KIF2C: variants seen among roughly 807,000 people sequenced by gnomAD.
The protein encoded by KIF2C is kinesin-like protein KIF2C.
KIF2C carries 34 observed loss-of-function variants against 97.4 expected under a neutral mutation model. The observed-to-expected ratio is 0.35, with a 90% CI of 0.27 to 0.46. The LOEUF (loss-of-function observed/expected upper bound fraction) is 0.46, where lower values mean the gene tolerates loss of function less well. Ranked by LOEUF, KIF2C falls within the 20% of genes least tolerant of loss-of-function variation. The probability of loss-of-function intolerance (pLI) is 1.00; values close to 1 mark genes in which losing one functional copy is unlikely to be tolerated. For missense variants in KIF2C, 750 were observed against 907.6 expected (o/e 0.83, Z 2.23); for synonymous variants, 313 against 318.2 (o/e 0.98, Z 0.17).
chr1:44,748,745 C>T (rs1055391601), intron 4 of KIF2C, among the ~76,000 whole-genome samples: 1 of 142,930 alleles, frequency 7.0e-6, no homozygotes, highest in African/African-American at 2.7e-5. Context: ...CAAGGTCTCA[C>T]TATGTTGCCT....
chr1:44,754,886 T>A (rs377108090), intron 8 of KIF2C, 41 bp downstream of exon 8: 1 of 1,238,096 alleles, frequency 8.1e-7, no homozygotes, highest in Non-Finnish European at 1.2e-6. Context: ...AAGTGTACAA[T>A]TGAGAGACAG....
chr1:44,754,672 T>C, intron 7 of KIF2C, 78 bp from the exon 8 acceptor site: 1 of 851,410 alleles, frequency 1.2e-6, no homozygotes, highest in Non-Finnish European at 2.1e-6. Flanking sequence ...AGCAAAGAGC[T>C]GTTGCTGCTG....
intron 2 of KIF2C, among the ~76,000 whole-genome samples, chr1:44,741,569 C>T (rs1648936985): frequency 6.6e-6 from 1 of 151,980 alleles, no homozygotes. Context: ...CCTGTGGTTC[C>T]AGCTACTCGG....
chr1:44,754,929 G>A (rs541143779), intron 8 of KIF2C, 84 bp downstream of exon 8: 2 of 821,852 alleles, frequency 2.4e-6, no homozygotes, highest in South Asian at 2.9e-5. Flanking sequence ...AGGGCATGCA[G>A]GAATCTTTAC....
intron 10 of KIF2C, among the ~76,000 whole-genome samples, chr1:44,757,003 C>T (rs971834810): frequency 2.1e-4 from 32 of 152,154 alleles, no homozygotes; most frequent in African/African-American, 6.5e-4. Flanking sequence ...CTGCAACCCC[C>T]GCCTCCCAGG....
rs1319509374 is a variant in KIF2C, at chr1:44,762,365, C to G, written c.1771C>G (p.His591Asp). Residue 591 changes from histidine to aspartate, a missense_variant, in exon 18 of 21, where the codon CAC becomes GAC. Coordinates refer to ENST00000372224, the MANE Select transcript of KIF2C (RefSeq NM_006845.4). ...CCTCAGGGTCAAGGAGCTGAGCCCC[C>G]ACAGTGGGCCCAGTGGAGAGCAGTT... ...YADRVKELSPHSGPSGEQLIQ... is the reference protein window; with the variant it reads ...YADRVKELSPDSGPSGEQLIQ... The G allele has an allele frequency of 2.5e-6, 4 of 1,614,052 alleles. No individual in the cohort carries two copies. The highest frequency in any genetic ancestry group is 2.2e-5 in the East Asian group (1 of 44,880).
rs1211445914 is a variant in KIF2C, at chr1:44,759,238, G to A, written c.1257G>A (p.Leu419=). The A allele has an allele frequency of 1.9e-6, 3 of 1,614,068 alleles. No homozygotes were observed. In the South Asian group the frequency reaches 3.3e-5, roughly 18 times the overall value. Residue 419 remains leucine, a synonymous_variant, in exon 14 of 21, where the codon CTG becomes CTA. Transcript: ENST00000372224. ...ACCTGCTCAACAAGAAGGCCAAGCT[G>A]CGCGTGCTGGAGGACGGCAAGCAAC... ...LFDLLNKKAK[L]RVLEDGKQQV...
chr1:44,760,284 T>A lies in KIF2C; in HGVS notation c.1372T>A (p.Ser458Thr), dbSNP rs201075516. The change falls in exon 15 of 21, where the codon TCT becomes ACT. Residue 458 changes from serine to threonine, a missense_variant. Physicochemically the swap from Ser to Thr is moderately conservative, Grantham distance 58. Transcript: ENST00000372224. This position sits in a 1 kb window ranked among gnomAD's most constrained non-coding sequence, Gnocchi z 4.2. Reference sequence around the variant, plus strand: ...CATAACCTTTCTTTACCACAGAACCTCTGGGCAGACATTTGCCAACTCCAA... The same window carrying A: ...CATAACCTTTCTTTACCACAGAACCACTGGGCAGACATTTGCCAACTCCAA... ...MIDMGSACRT[S>T]GQTFANSNSS... 7 of 1,613,928 alleles carry A rather than the reference T, an allele frequency of 4.3e-6. No homozygotes were observed. The highest frequency in any genetic ancestry group is 5.9e-6 in the Non-Finnish European group (7 of 1,179,998).
At chr1:44,753,548 G>A (rs905479575) in intron 6 of KIF2C, among the ~76,000 whole-genome samples, 185 bp from the exon 7 acceptor site, 2 of 152,170 alleles carry the variant, frequency 1.3e-5, no homozygotes, top group Admixed American at 6.6e-5. Flanking sequence ...TTGTGGACTT[G>A]TCCATCCCGA....
chr1:44,755,918 T>A lies in KIF2C; in HGVS notation c.760-11T>A. 1 of 1,613,468 alleles carries A rather than the reference T, an allele frequency of 6.2e-7. No homozygotes were observed. The highest frequency in any genetic ancestry group is 1.1e-5 in the South Asian group (1 of 91,052). On this transcript the variant is annotated splice_polypyrimidine_tract_variant and intron_variant, in intron 8 of 20. Transcript: ENST00000372224. ...CTTTGCTGTTGGTTGCCTCCTCTCA[T>A]CCGCTTGCAGATCGAAGAGCACAGA...
chr1:44,763,070 C>G (rs1408392876), intron 19 of KIF2C, among the ~76,000 whole-genome samples: 3 of 152,224 alleles, frequency 2.0e-5, no homozygotes, highest in African/African-American at 7.2e-5. Flanking sequence ...CTCTTCCATT[C>G]ACAAACTGAT....
chr1:44,749,460 G>A (rs1649392677), intron 4 of KIF2C, among the ~76,000 whole-genome samples: 1 of 151,108 alleles, frequency 6.6e-6, no homozygotes, highest in African/African-American at 2.4e-5. Flanking sequence ...AAAAATTACA[G>A]ATCATTTGGG....
At chr1:44,746,575 G>T in intron 2 of KIF2C, 8 of 1,383,242 alleles carry the variant, frequency 5.8e-6, no homozygotes, top group Non-Finnish European at 7.5e-6. Context: ...GCCATCAAGA[G>T]GTGCTTGGGG....
chr1:44,755,581 T>C (rs887585041), intron 8 of KIF2C, among the ~76,000 whole-genome samples: 21 of 152,328 alleles, frequency 1.4e-4, no homozygotes, highest in African/African-American at 4.8e-4. Context: ...TTTTTTAATA[T>C]CCTTTGGTGG....
intron 10 of KIF2C, among the ~76,000 whole-genome samples, chr1:44,756,871 T>C (rs1262377674): frequency 2.0e-5 from 3 of 151,498 alleles, no homozygotes; most frequent in African/African-American, 7.3e-5. Context: ...CTCTTTCTAA[T>C]ACAGCACCCA....
Position 44,739,991 on chromosome 1 carries a change from A to G in KIF2C, c.59A>G (p.Gln20Arg). ...TTTCCCGGTCTCGCTATCAAGATCCAACGCAGTAATGGTGAGGAGCGGGGT... is the reference window on the plus strand; with the variant it reads ...TTTCCCGGTCTCGCTATCAAGATCCGACGCAGTAATGGTGAGGAGCGGGGT... Reference protein sequence around the residue: ...RLFPGLAIKIQRSNGLIHSAN... With the variant: ...RLFPGLAIKIRRSNGLIHSAN... The change falls in exon 1 of 21, where the codon CAA becomes CGA. Residue 20 changes from glutamine to arginine, a missense_variant. Coordinates refer to ENST00000372224, the MANE Select transcript of KIF2C (RefSeq NM_006845.4). The G allele has an allele frequency of 6.2e-7, 1 of 1,614,218 alleles. No individual in the cohort carries two copies. Among genetic ancestry groups the G allele is most frequent in the South Asian group, 1.1e-5 (1 of 91,086 alleles).
At position 44,742,103 on chromosome 1, in the gene KIF2C, TTTTGTTTG is replaced by T. The variant is rs1157241561; in HGVS notation, c.165+1112_165+1119del. On this transcript the variant is annotated intron_variant, in intron 2 of 20. Transcript: ENST00000372224. ...AGCAATCAATAATTTTCTGGGTTTTTTTTGTTTGTTTGTTTGTTTGTTTTGAGACAGAG... is the reference window on the plus strand; with the variant it reads ...AGCAATCAATAATTTTCTGGGTTTTTTTTGTTTGTTTGTTTTGAGACAGAG... 3.4e-4 allele frequency among the ~76,000 whole-genome samples: 52 copies of T among 151,970 alleles called. No homozygotes were observed. The East Asian group carries it at 4.1e-3, about 12-fold the overall frequency.
intron 17 of KIF2C, 174 bp from the exon 18 acceptor site, chr1:44,762,172 C>A: frequency 1.2e-6 from 1 of 843,080 alleles, no homozygotes; most frequent in Non-Finnish European, 2.0e-6. Flanking sequence ...GCTGGAGAGT[C>A]AGCTGGGTGA....
intron 19 of KIF2C, among the ~76,000 whole-genome samples, chr1:44,763,191 G>A (rs182406631): frequency 3.3e-5 from 5 of 152,240 alleles, no homozygotes; most frequent in South Asian, 4.1e-4. Context: ...TAAAGTGTCA[G>A]CACAGTACCC....
Sources: gnomAD v4.1 joint callset for allele counts (sites outside exome capture counted in the v4.1 genomes callset) on GRCh38, gnomAD v4.1.1 for gene constraint, Gnocchi (gnomAD v3.1) non-coding constraint, MANE v1.5 for transcripts, NCBI Gene and HGNC (gene_info 2026-07-23, HGNC 2026-07-21) for gene names.